Variants in TUSC3 observed in about 807,000 individuals in gnomAD.
TUSC3 encodes tumor suppressor candidate 3, also known as dolichyl-diphosphooligosaccharide--protein glycosyltransferase subunit TUSC3.
In TUSC3, 45 loss-of-function variants were observed where a neutral mutation model predicts 44.8. The observed-to-expected ratio is 1.00, with a 90% CI of 0.79 to 1.29. TUSC3 has a LOEUF of 1.29. Ranked by LOEUF, TUSC3 falls within the 50% of genes most tolerant of loss-of-function variation. The pLI is 0.00. For missense variants in TUSC3, 519 were observed against 437.9 expected, an observed-to-expected ratio of 1.19 and a Z score of -1.65; for synonymous variants, 212 against 152.9, an observed-to-expected ratio of 1.39 and a Z score of -2.85.
intron 1 of TUSC3, among the ~76,000 whole-genome samples, chr8:15,432,706 C>T (rs893992639): frequency 6.6e-6 from 1 of 152,066 alleles, no homozygotes; most frequent in Non-Finnish European, 1.5e-5. Context: ...GTATGCACCT[C>T]CGAACTGTGA....
upstream of TUSC3, chr8:15,540,249 C>A: frequency 1.2e-6 from 1 of 854,774 alleles, no homozygotes; most frequent in Non-Finnish European, 1.6e-6. Context: ...TCCCGGTGAA[C>A]CGGATGCTCT....
chr8:15,588,632 G>C (rs1351927059), intron 1 of TUSC3, among the ~76,000 whole-genome samples: 1 of 152,064 alleles, frequency 6.6e-6, no homozygotes, highest in South Asian at 2.1e-4. Context: ...TCTTTGCTCA[G>C]AACAAAGTCC....
At chr8:15,792,863 C>T in the TUSC3 span, among the ~76,000 whole-genome samples, 3 of 152,062 alleles carry the variant, frequency 2.0e-5, no homozygotes. Context: ...AAGTTACCCA[C>T]CTGCCTCGGC....
At chr8:15,523,706 G>GTATATATATATATATATA (rs1554509643) in intron 2 of TUSC3, among the ~76,000 whole-genome samples, 11 of 112,854 alleles carry the variant, frequency 9.7e-5, no homozygotes, top group Admixed American at 1.7e-4. Context: ...GTGTGTGTGT[G>GTATATATATATATATATA]TGTATATATA....
chr8:15,720,235 G>C (rs2721241), intron 6 of TUSC3, among the ~76,000 whole-genome samples: 105,429 of 141,068 alleles, frequency 0.75, 38,881 homozygotes, highest in Non-Finnish European at 0.81. Flanking sequence ...CACACACACA[G>C]AGAGAACATT....
chr8:15,433,313 A>G (rs1799900428), intron 1 of TUSC3, among the ~76,000 whole-genome samples: 1 of 152,176 alleles, frequency 6.6e-6, no homozygotes, highest in African/African-American at 2.4e-5. Flanking sequence ...CAATGAAGTC[A>G]AATTTGGTGT....
chr8:15,572,530 A>G (rs76278007), intron 1 of TUSC3, among the ~76,000 whole-genome samples: 3,269 of 152,264 alleles, frequency 0.021, 113 homozygotes, highest in African/African-American at 0.073. Flanking sequence ...CTGGAGTAGC[A>G]CTTTAAATTT....
At chr8:15,425,752 C>G (rs1799795936) in intron 1 of TUSC3, among the ~76,000 whole-genome samples, 1 of 152,216 alleles carries the variant, frequency 6.6e-6, no homozygotes, top group African/African-American at 2.4e-5. Flanking sequence ...AATTTCTGCA[C>G]TAGTTAACCA....
intron 5 of TUSC3, among the ~76,000 whole-genome samples, chr8:15,666,274 G>T (rs1807656929): frequency 6.6e-6 from 1 of 151,412 alleles, no homozygotes; most frequent in South Asian, 2.1e-4. Flanking sequence ...CTAAGGATAT[G>T]CACTTAAAAG....
chr8:15,483,649 ATTTTTTTTT>A (rs60092911), intron 2 of TUSC3, among the ~76,000 whole-genome samples: 3 of 66,166 alleles, frequency 4.5e-5, no homozygotes, highest in Non-Finnish European at 5.5e-5. Context: ...TAGCACTGTG[ATTTTTTTTT>A]TTTTTTTTTT....
At chr8:15,817,018 T>G in the TUSC3 span, among the ~76,000 whole-genome samples, 5 of 152,220 alleles carry the variant, frequency 3.3e-5, no homozygotes, top group East Asian at 9.6e-4. Context: ...AGTTACTGAT[T>G]AGTAATTTGG....
chr8:15,513,226 T>C (rs1048578270), intron 2 of TUSC3, among the ~76,000 whole-genome samples: 4 of 151,888 alleles, frequency 2.6e-5, no homozygotes, highest in African/African-American at 9.7e-5. Flanking sequence ...TAGCTACAAA[T>C]GTAGTATAAT....
At chr8:15,430,243 A>C (rs11987470) in intron 1 of TUSC3, among the ~76,000 whole-genome samples, 1 of 145,592 alleles carries the variant, frequency 6.9e-6, no homozygotes, top group African/African-American at 2.6e-5. Flanking sequence ...AATACTGGCA[A>C]ACGGAATCCA....
At chr8:15,703,640 C>T (rs1162189081) in intron 6 of TUSC3, among the ~76,000 whole-genome samples, 2 of 152,156 alleles carry the variant, frequency 1.3e-5, no homozygotes. Flanking sequence ...TGCTTCCACT[C>T]ATAGCCAAAG....
At position 15,743,261 on chromosome 8, in the gene TUSC3, T is replaced by G. The variant is rs1811271409; in HGVS notation, c.863-277T>G. Among the ~76,000 whole-genome samples the G allele has an allele frequency of 2.6e-5, 4 of 152,244 alleles. No individual in the cohort carries two copies. The South Asian group carries it at 8.3e-4, about 32-fold the overall frequency. On this transcript the variant is annotated intron_variant, in intron 7 of 10. Transcript: ENST00000503731. ...TGTGGTAACTGGTTTTGAGAGTCCA[T>G]ATAGTTTATATGTGCTGTGAAAATC... is the stretch of plus-strand genomic sequence containing the variant.
rs1811164425 is a variant in TUSC3 at position 15,740,881 on chromosome 8, C to CCAT, written c.863-2654_863-2652dup. ...AGTAGCAAGCATTTGGAAACAAATG[C>CCAT]CATCAGTAAGATAAAGCAATAAAAT... On this transcript the variant is annotated intron_variant, in intron 7 of 10. Coordinates refer to ENST00000503731, the MANE Select transcript of TUSC3 (RefSeq NM_006765.4). 3.3e-5 allele frequency among the ~76,000 whole-genome samples: 5 copies of CCAT among 152,162 alleles called. No individual in the cohort carries two copies. The East Asian group carries it at 7.7e-4, about 24-fold the overall frequency.
At chr8:15,420,571 A>T (rs1799726931) in intron 1 of TUSC3, among the ~76,000 whole-genome samples, 1 of 150,384 alleles carries the variant, frequency 6.6e-6, no homozygotes, top group Non-Finnish European at 1.5e-5. Context: ...TTCCCCTAAC[A>T]GTACCATTTT....
chr8:15,550,347 C>T (rs1213797962), intron 1 of TUSC3, among the ~76,000 whole-genome samples: 1 of 151,710 alleles, frequency 6.6e-6, no homozygotes, highest in African/African-American at 2.4e-5. Flanking sequence ...ACATGAGTTG[C>T]ATGCTTAGAT....
intron 2 of TUSC3, chr8:15,483,491 C>G (rs1800691129): frequency 6.4e-6 from 1 of 156,084 alleles, no homozygotes; most frequent in African/African-American, 2.4e-5. Context: ...CAGGTATGCA[C>G]CACCACACCC....
Sources: allele counts gnomAD v4.1 joint callset (sites outside exome capture counted in the v4.1 genomes callset), GRCh38; gene constraint gnomAD v4.1.1; transcripts MANE v1.5; gene names NCBI Gene and HGNC (gene_info 2026-07-23, HGNC 2026-07-21).